The following RCN2 variants were observed in gnomAD, a reference collection of about 807,000 sequenced individuals.
RCN2 encodes the protein reticulocalbin 2.
A neutral mutation model predicts 37.5 loss-of-function variants in RCN2; 23 were observed. That is an observed-to-expected ratio of 0.61 (90% confidence interval 0.44 to 0.87). The LOEUF is 0.87. RCN2 is among the 40% of genes least tolerant of loss of function. The pLI, the probability that RCN2 is intolerant of heterozygous loss-of-function variation, is 0.00. For synonymous variants in RCN2, 140 were observed against 144.6 expected (o/e 0.97, Z 0.23); for missense variants, 381 against 390.4 (o/e 0.98, Z 0.20).
At chr15:76,943,698 G>T in intron 3 of RCN2, 60 bp from the exon 4 acceptor site, 1 of 880,092 alleles carries the variant, frequency 1.1e-6, no homozygotes, top group Non-Finnish European at 1.9e-6. Flanking sequence ...CACATAGTTT[G>T]TATTTTTCAA....
intron 4 of RCN2, among the ~76,000 whole-genome samples, chr15:76,944,591 T>G: frequency 6.6e-6 from 1 of 152,214 alleles, no homozygotes; most frequent in East Asian, 1.9e-4. Flanking sequence ...TTTTGATTTT[T>G]AGATCCCACA....
At chr15:76,938,109 CAT>C (rs1404366613) in intron 3 of RCN2, among the ~76,000 whole-genome samples, 2 of 151,984 alleles carry the variant, frequency 1.3e-5, no homozygotes, top group African/African-American at 4.8e-5. Flanking sequence ...TGTAGAAAAA[CAT>C]AAAAATAAAA....
intron 3 of RCN2, among the ~76,000 whole-genome samples, chr15:76,941,099 T>C (rs1170071836): frequency 1.3e-5 from 2 of 152,224 alleles, no homozygotes; most frequent in East Asian, 3.9e-4. Context: ...AGTGGGGCAA[T>C]CTTGGCTCAC....
Position 76,953,739 on chromosome 15 carries a change from C to T in RCN2, c.*4517C>T, listed in dbSNP as rs1310812472. 1.9e-5 allele frequency: 2 copies of T among 105,478 alleles called. No homozygotes were observed. The highest frequency in any genetic ancestry group is 5.4e-5 in the African/African-American group (2 of 37,312). The allele number at this position is 105,478 out of a possible 1,614,324, so 6.5% of individuals were successfully genotyped here. On this transcript the variant is annotated 3_prime_UTR_variant, in exon 7 of 7. Coordinates refer to ENST00000394885, the MANE Select transcript of RCN2 (RefSeq NM_002902.3). ...TCTCCTGCCTCAGCCTCCCGAGTAG[C>T]TGGGACTATAGGCGCCTGCCACCGC...
Position 76,932,441 on chromosome 15 carries a change from G to A in RCN2, c.225G>A (p.Leu75=), listed in dbSNP as rs371622367. The A allele has an allele frequency of 4.3e-6, 7 of 1,610,102 alleles. No homozygotes were observed. The African/African-American group carries it at 9.5e-5, about 22-fold the overall frequency. ...AGGCGATCATAAAGAAAATCGACTT[G>A]GACTCAGATGGCTTTCTCACTGAAA... ...RLQAIIKKID[L]DSDGFLTESE... is the part of the protein sequence containing the mutation. Residue 75 remains leucine (L), a synonymous_variant, in exon 2 of 7, where the codon TTG becomes TTA. Coordinates refer to ENST00000394885, the MANE Select transcript of RCN2 (RefSeq NM_002902.3).
rs141214649 is a variant in RCN2, at chr15:76,954,357, C to A, written c.*5135C>A. The A allele has an allele frequency of 1.3e-4, 20 of 152,028 alleles. 1 individual carries two copies. Among genetic ancestry groups the A allele is most frequent in the African/African-American group, 4.6e-4 (19 of 41,480 alleles). The allele number at this position is 152,028 out of a possible 1,614,324, so 9.4% of individuals were successfully genotyped here. ...CTGTAAAAACTAATTTGCTTCATTG[C>A]AACATTTGAGTTCTGTCGAATAAAT... is the stretch of plus-strand genomic sequence containing the variant. On this transcript the variant is annotated 3_prime_UTR_variant, in exon 7 of 7. Coordinates refer to ENST00000394885, the MANE Select transcript of RCN2 (RefSeq NM_002902.3).
At chr15:76,948,757 G>A in intron 6 of RCN2, 1 of 538,306 alleles carries the variant, frequency 1.9e-6, no homozygotes, top group Non-Finnish European at 3.2e-6. Context: ...ATTAATTTGA[G>A]AGTACAGTGA....
Position 76,949,144 on chromosome 15 carries a change from G to A in RCN2, c.876G>A (p.Pro292=), listed in dbSNP as rs199624474. 6.4e-5 allele frequency: 104 copies of A among 1,613,100 alleles called. No individual in the cohort carries two copies. The East Asian group carries it at 9.4e-4, about 15-fold the overall frequency. ...CTGAAGAAGAGATTCTGGAAAACCC[G>A]GACTTGTTTCTCACCAGTGAAGCCA... The part of the protein sequence containing the change: ...KLSEEEILEN[P]DLFLTSEATD... Residue 292 remains proline (P), a synonymous_variant, in exon 7 of 7, where the codon CCG becomes CCA. Coordinates refer to ENST00000394885, the MANE Select transcript of RCN2 (RefSeq NM_002902.3).
intron 2 of RCN2, 44 bp from the exon 3 acceptor site, chr15:76,935,482 C>A (rs375202366): frequency 1.4e-6 from 2 of 1,456,930 alleles, no homozygotes; most frequent in Non-Finnish European, 9.5e-7. Context: ...TCTTAAGTAT[C>A]AGAATTAACG....
At position 76,940,999 on chromosome 15, in the gene RCN2, A is replaced by C. The variant is rs1198559749; in HGVS notation, c.448-2759A>C. On this transcript the variant is annotated intron_variant, in intron 3 of 6. Transcript: ENST00000394885. The stretch of plus-strand genomic sequence containing the variant: ...AACACAGGATAATTAAAGTTTGGGG[A>C]TCTATCTGGCAAAAGTTCAAGTGTT... Among the ~76,000 whole-genome samples the C allele has an allele frequency of 1.3e-5, 2 of 151,906 alleles. 1 individual carries two copies. The highest frequency in any genetic ancestry group is 6.3e-3 in the Middle Eastern group (2 of 316).
chr15:76,937,213 G>C (rs1596003050), intron 3 of RCN2, among the ~76,000 whole-genome samples: 1 of 152,158 alleles, frequency 6.6e-6, no homozygotes, highest in African/African-American at 2.4e-5. Flanking sequence ...TTGGAGCACT[G>C]ACACGACACT....
chr15:76,944,695 ATGT>A (rs1382040470), intron 4 of RCN2, among the ~76,000 whole-genome samples: 2 of 152,114 alleles, frequency 1.3e-5, no homozygotes, highest in African/African-American at 4.8e-5. Flanking sequence ...GTGGATCAAC[ATGT>A]TGTTGCAGGA....
At chr15:76,940,163 A>T (rs1429841997) in intron 3 of RCN2, among the ~76,000 whole-genome samples, 1 of 151,796 alleles carries the variant, frequency 6.6e-6, no homozygotes, top group Admixed American at 6.6e-5. Context: ...AGTTCTAATC[A>T]TATGTTTTTA....
intron 3 of RCN2, chr15:76,942,363 A>G (rs567712220): frequency 1.3e-5 from 2 of 152,348 alleles, no homozygotes; most frequent in East Asian, 3.9e-4. Flanking sequence ...TAGGAAGGAA[A>G]GCTATTCCCA....
intron 4 of RCN2, among the ~76,000 whole-genome samples, chr15:76,944,619 G>A (rs1175243907): frequency 6.6e-6 from 1 of 152,124 alleles, no homozygotes. Flanking sequence ...GAGAACATGG[G>A]ATGTTTGTCT....
At position 76,935,547 on chromosome 15, in the gene RCN2, A is replaced by G. The variant is rs2075243430; in HGVS notation, c.272A>G (p.Gln91Arg). The stretch of plus-strand genomic sequence containing the variant: ...ATAGGTGAACTCAGTTCATGGATTC[A>G]GATGTCTTTTAAGCATTATGCTATG... ...LTESELSSWIQMSFKHYAMQE... is the reference protein window; with the variant it reads ...LTESELSSWIRMSFKHYAMQE... Residue 91 changes from glutamine (Q) to arginine (R), a missense_variant, in exon 3 of 7, where the codon CAG (glutamine) becomes CGG (arginine). Coordinates refer to ENST00000394885, the MANE Select transcript of RCN2 (RefSeq NM_002902.3). 6.2e-7 allele frequency: 1 copy of G among 1,612,738 alleles called. No homozygotes were observed. Among genetic ancestry groups the G allele is most frequent in the South Asian group, 1.1e-5 (1 of 90,916 alleles).
At chr15:76,944,048 A>G (rs186169490) in intron 4 of RCN2, among the ~76,000 whole-genome samples, 177 bp downstream of exon 4, 399 of 126,138 alleles carry the variant, frequency 3.2e-3, no homozygotes, top group African/African-American at 0.012. Flanking sequence ...GCTGGAGTGC[A>G]GTGGGGCGAT....
intron 3 of RCN2, chr15:76,938,846 T>G: frequency 2.3e-6 from 1 of 442,088 alleles, no homozygotes; most frequent in South Asian, 1.6e-5. Flanking sequence ...GTGCCTCAGT[T>G]TCCTCATCTC....
chr15:76,942,675 C>T (rs2075280658), intron 3 of RCN2: 1 of 152,250 alleles, frequency 6.6e-6, no homozygotes, highest in Non-Finnish European at 1.5e-5. Flanking sequence ...AGCACGGTGA[C>T]TCATGCCTGT....
Sources: gnomAD v4.1 joint callset for allele counts (sites outside exome capture counted in the v4.1 genomes callset) on GRCh38, gnomAD v4.1.1 for gene constraint, MANE v1.5 for transcripts, NCBI Gene and HGNC (gene_info 2026-07-23, HGNC 2026-07-21) for gene names.